The following CSMD1 variants were observed in gnomAD, a reference collection of about 807,000 sequenced individuals.
The protein encoded by CSMD1 is CUB and Sushi multiple domains 1.
CSMD1 carries 213 observed loss-of-function variants against 417.5 expected under a neutral mutation model. The observed-to-expected ratio is 0.51, with a 90% CI of 0.46 to 0.57. The LOEUF is 0.57. Ranked by LOEUF, CSMD1 falls within the 20% of genes least tolerant of loss-of-function variation. The pLI, the probability that CSMD1 is intolerant of heterozygous loss-of-function variation, is 0.00. For synonymous variants in CSMD1, 2,862 were observed against 1,736.8 expected (o/e 1.65, Z -16.11); for missense variants, 6,923 against 4,529.7 (o/e 1.53, Z -15.17).
chr8:4,406,122 G>A (rs1805001634), intron 3 of CSMD1, among the ~76,000 whole-genome samples: 1 of 152,158 alleles, frequency 6.6e-6, no homozygotes, highest in African/African-American at 2.4e-5. Context: ...GAACCAAACA[G>A]CTGTCAGATG....
intron 7 of CSMD1, among the ~76,000 whole-genome samples, chr8:3,695,286 G>A (rs1052628345): frequency 5.8e-4 from 88 of 151,998 alleles, no homozygotes; most frequent in African/African-American, 1.9e-3. Flanking sequence ...ATAGTGCCGC[G>A]ATGCAGAATT....
rs187305729 is a variant in CSMD1 at position 4,187,752 on chromosome 8, G to C, written c.416-155653C>G. Among the ~76,000 whole-genome samples, 4 of 148,132 alleles carry C rather than the reference G, an allele frequency of 2.7e-5. No homozygotes were observed. The East Asian group carries it at 6.1e-4, about 23-fold the overall frequency. On this transcript the variant is annotated intron_variant, in intron 3 of 69. Coordinates refer to ENST00000635120, the MANE Select transcript of CSMD1 (RefSeq NM_033225.6). ...TTAAGGCACCATAAATGAACACTCAGAGAAATATATTTCACTCTCACCATA... is the reference window on the plus strand; with the variant it reads ...TTAAGGCACCATAAATGAACACTCACAGAAATATATTTCACTCTCACCATA...
rs143844816 is a variant in CSMD1 at position 3,592,295 on chromosome 8, A to G, written c.1098-6035T>C. Among the ~76,000 whole-genome samples the G allele has an allele frequency of 3.2e-3, 480 of 152,268 alleles. 4 individuals carry two copies. The highest frequency in any genetic ancestry group is 0.011 in the African/African-American group (461 of 41,578). ...TTTCTGTGTTAAAAAGTCCACTTCA[A>G]ACATATACTTCAGTACTCATAAATA... On this transcript the variant is annotated intron_variant, in intron 8 of 69. Transcript: ENST00000635120.
rs540274559 is a variant in CSMD1, at chr8:3,039,877, G to A, written c.7661-10364C>T. 1.8e-3 allele frequency among the ~76,000 whole-genome samples: 273 copies of A among 152,164 alleles called. 3 individuals are homozygous for A. The highest frequency in any genetic ancestry group is 0.016 in the Admixed American group (251 of 15,276). On this transcript the variant is annotated intron_variant, in intron 50 of 69. Coordinates refer to ENST00000635120, the MANE Select transcript of CSMD1 (RefSeq NM_033225.6). ...TATCAGCATTCATATTAGATTTGCC[G>A]TCCCCAATATCAAACCAAACGTGTT...
chr8:2,950,448 T>C, intron 66 of CSMD1, 105 bp from the exon 67 acceptor site: 2 of 702,930 alleles, frequency 2.8e-6, no homozygotes, highest in Non-Finnish European at 5.1e-6. Flanking sequence ...ATATCATCGA[T>C]AATAGAAAAC....
chr8:3,748,906 G>C (rs1797183933), intron 6 of CSMD1, among the ~76,000 whole-genome samples: 1 of 152,174 alleles, frequency 6.6e-6, no homozygotes, highest in African/African-American at 2.4e-5. Context: ...TTTATGAGAT[G>C]AATGTTCCCT....
intron 8 of CSMD1, among the ~76,000 whole-genome samples, chr8:3,605,236 C>T (rs2449170): frequency 0.71 from 108,598 of 152,032 alleles, 39,389 homozygotes; most frequent in Non-Finnish European, 0.78. Flanking sequence ...GTGATCCACC[C>T]GCCTCGGCCT....
chr8:4,015,568 C>G (rs372268549), intron 4 of CSMD1, among the ~76,000 whole-genome samples: 1 of 148,760 alleles, frequency 6.7e-6, no homozygotes, highest in Non-Finnish European at 1.5e-5. Context: ...AGTGCTACTG[C>G]TATGTTATTT....
intron 1 of CSMD1, among the ~76,000 whole-genome samples, chr8:4,727,859 T>A (rs568538032): frequency 6.7e-6 from 1 of 149,134 alleles, no homozygotes; most frequent in Non-Finnish European, 1.5e-5. Context: ...ATATTGGATA[T>A]ATATTTAGCT....
At chr8:3,372,890 C>T (rs565821231) in intron 18 of CSMD1, among the ~76,000 whole-genome samples, 4 of 152,252 alleles carry the variant, frequency 2.6e-5, no homozygotes, top group East Asian at 1.9e-4. Context: ...CTAATGCCAG[C>T]GCACCGCGTA....
At chr8:3,396,790 T>C (rs1811728605) in intron 16 of CSMD1, among the ~76,000 whole-genome samples, 5 of 152,130 alleles carry the variant, frequency 3.3e-5, no homozygotes, top group Admixed American at 3.3e-4. Flanking sequence ...AACATAATTA[T>C]AGACATCTTA....
intron 1 of CSMD1, among the ~76,000 whole-genome samples, chr8:4,782,749 G>A (rs182595679): frequency 6.6e-6 from 1 of 152,116 alleles, no homozygotes; most frequent in Non-Finnish European, 1.5e-5. Context: ...ATGAATTTTG[G>A]CTATATTATT....
At chr8:3,785,273 C>A (rs751986012) in intron 5 of CSMD1, among the ~76,000 whole-genome samples, 1 of 152,158 alleles carries the variant, frequency 6.6e-6, no homozygotes, top group African/African-American at 2.4e-5. Context: ...AAAGCAAGCA[C>A]GACAGAAGCA....
chr8:3,627,035 A>AT (rs1796526250), intron 7 of CSMD1, among the ~76,000 whole-genome samples: 1 of 152,084 alleles, frequency 6.6e-6, no homozygotes, highest in African/African-American at 2.4e-5. Context: ...GAGTTTAGGC[A>AT]TTTTTAAAGA....
intron 3 of CSMD1, among the ~76,000 whole-genome samples, chr8:4,156,421 G>C (rs181862801): frequency 6.6e-6 from 1 of 152,150 alleles, no homozygotes; most frequent in Non-Finnish European, 1.5e-5. Context: ...TCTCTGTACT[G>C]ACTTGAGAAA....
At chr8:3,242,290 G>C (rs71502922) in intron 26 of CSMD1, among the ~76,000 whole-genome samples, 114,642 of 148,548 alleles carry the variant, frequency 0.77, 44,866 homozygotes, top group Non-Finnish European at 0.85. Flanking sequence ...CTCGGCCTGG[G>C]GAGGAAGGGA....
chr8:4,841,011 G>C (rs763015127), intron 1 of CSMD1, among the ~76,000 whole-genome samples: 12 of 152,296 alleles, frequency 7.9e-5, no homozygotes, highest in African/African-American at 2.6e-4. Flanking sequence ...AGCGTTTGCC[G>C]TCAGCCCCCT....
intron 1 of CSMD1, among the ~76,000 whole-genome samples, chr8:4,661,176 C>T (rs1804582611): frequency 6.6e-6 from 1 of 152,124 alleles, no homozygotes; most frequent in Admixed American, 6.5e-5. Context: ...AATTTTATAG[C>T]AGCGTTATCT....
intron 1 of CSMD1, among the ~76,000 whole-genome samples, chr8:4,955,955 G>A (rs373284797): frequency 6.3e-4 from 96 of 152,298 alleles, no homozygotes; most frequent in Middle Eastern, 6.8e-3. Context: ...CTGAGTTTGA[G>A]AAACGCTGTG....
Sources: allele counts gnomAD v4.1 joint callset (sites outside exome capture counted in the v4.1 genomes callset), GRCh38; gene constraint gnomAD v4.1.1; transcripts MANE v1.5; gene names NCBI Gene and HGNC (gene_info 2026-07-23, HGNC 2026-07-21).